The following RASA1 variants were observed in gnomAD, a reference collection of about 807,000 sequenced individuals.
RASA1 encodes the protein RAS p21 protein activator 1, also known as ras GTPase-activating protein 1.
RASA1 carries 25 observed loss-of-function variants against 132.2 expected under a neutral mutation model. That is an observed-to-expected ratio of 0.19 (90% CI 0.14 to 0.26). The LOEUF is 0.26. RASA1 is among the 10% of genes least tolerant of loss of function. RASA1 has a pLI of 1.00. For synonymous variants in RASA1, 477 were observed against 449.9 expected (o/e 1.06, Z -0.76); for missense variants, 964 against 1,299.2 (o/e 0.74, Z 3.97).
chr5:87,269,437 G>A, intron 1 of RASA1: 1 of 990,984 alleles, frequency 1.0e-6, no homozygotes, highest in East Asian at 2.6e-5. Context: ...TTTGAAAAAT[G>A]TATTGGTTAG....
In RASA1 at chr5:87,319,869, A is replaced by G. The variant is rs559190241; in HGVS notation, c.540-11479A>G. 5.3e-5 allele frequency among the ~76,000 whole-genome samples: 8 copies of G among 152,324 alleles called. No individual in the cohort carries two copies. In the East Asian group the frequency reaches 1.5e-3, roughly 29 times the overall value. The stretch of plus-strand genomic sequence containing the variant: ...AGCATGGTGAGGCTGCAAAATTTCC[A>G]AACTTTTATGTTCTGCTTCCCTTTT... On this transcript the variant is annotated intron_variant, in intron 1 of 24. Transcript: ENST00000274376.
chr5:87,353,022 A>G, intron 8 of RASA1, 135 bp from the exon 9 acceptor site: 1 of 658,962 alleles, frequency 1.5e-6, no homozygotes, highest in South Asian at 1.8e-5. Flanking sequence ...CATTTATTCT[A>G]TTAATGTATT....
At chr5:87,358,855 G>T (rs1759856089) in intron 9 of RASA1, among the ~76,000 whole-genome samples, 1 of 152,066 alleles carries the variant, frequency 6.6e-6, no homozygotes, top group Non-Finnish European at 1.5e-5. Flanking sequence ...TGCTGTAGCT[G>T]TTCACTGTGT....
rs2112513318 is a variant in RASA1 at position 87,385,338 on chromosome 5, A to G, written c.2796A>G (p.Leu932=). The part of the protein sequence containing the change: ...PSPIAARTLI[L]VAKSVQNLAN... ...CTATTGCTGCAAGAACACTGATATT[A>G]GTGGCTAAATCTGTGCAGAACTTAG... The change falls in exon 22 of 25, where the codon TTA becomes TTG. Residue 932 remains leucine (L), a synonymous_variant. Transcript: ENST00000274376. 6.2e-7 allele frequency: 1 copy of G among 1,611,638 alleles called. No homozygotes were observed. The highest frequency in any genetic ancestry group is 2.2e-5 in the East Asian group (1 of 44,822).
At chr5:87,269,192 GCTC>G in intron 1 of RASA1, 1 of 1,597,838 alleles carries the variant, frequency 6.3e-7, no homozygotes, top group Non-Finnish European at 8.5e-7. Flanking sequence ...TACATTTATT[GCTC>G]CTCTGGGAAA....
rs879849698 is a variant in RASA1 at position 87,380,494 on chromosome 5, G to A, written c.2604-15G>A. ...ACTTGCTTTCTGTGTTGAGATGATT[G>A]TGTTATTTTGGCAGGACATTGAGAT... On this transcript the variant is annotated splice_polypyrimidine_tract_variant and intron_variant, in intron 19 of 24. Coordinates refer to ENST00000274376, the MANE Select transcript of RASA1 (RefSeq NM_002890.3). 6.3e-7 allele frequency: 1 copy of A among 1,598,978 alleles called. No homozygotes were observed. Among genetic ancestry groups the A allele is most frequent in the Non-Finnish European group, 8.6e-7 (1 of 1,166,602 alleles).
chr5:87,374,101 G>T, intron 13 of RASA1, 62 bp from the exon 14 acceptor site: 1 of 1,238,674 alleles, frequency 8.1e-7, no homozygotes, highest in Non-Finnish European at 1.0e-6. Flanking sequence ...AATTGCTTTT[G>T]AAATGTAGTG....
intron 9 of RASA1, 58 bp downstream of exon 9, chr5:87,353,293 T>A: frequency 7.2e-7 from 1 of 1,380,024 alleles, no homozygotes; most frequent in Middle Eastern, 1.8e-4. Context: ...TGCATTTTGG[T>A]GGTATGTTTT....
chr5:87,302,105 A>G (rs1755392298), intron 1 of RASA1, among the ~76,000 whole-genome samples: 1 of 152,180 alleles, frequency 6.6e-6, no homozygotes, highest in African/African-American at 2.4e-5. Flanking sequence ...TAAGCTTGGT[A>G]GGTATTGCTG....
intron 8 of RASA1, among the ~76,000 whole-genome samples, chr5:87,351,736 T>TA (rs759691088): frequency 7.9e-5 from 12 of 151,850 alleles, no homozygotes; most frequent in Non-Finnish European, 1.5e-4. Flanking sequence ...GAGTAATTTT[T>TA]AAAAAAACTC....
chr5:87,317,563 C>T (rs1162402596), intron 1 of RASA1, among the ~76,000 whole-genome samples: 1 of 151,298 alleles, frequency 6.6e-6, no homozygotes, highest in Non-Finnish European at 1.5e-5. Flanking sequence ...GTGTTTCCAC[C>T]TATCTTTTGT....
At chr5:87,302,031 A>G (rs541137802) in intron 1 of RASA1, among the ~76,000 whole-genome samples, 3 of 152,270 alleles carry the variant, frequency 2.0e-5, no homozygotes, top group African/African-American at 7.2e-5. Context: ...TTTAATGAAC[A>G]TGTATAGACA....
At position 87,391,132 on chromosome 5, in the gene RASA1, T is replaced by C. The variant is rs1762484358; in HGVS notation, c.*249T>C. ...ATCTTTAACAACCTCTGAGCCTTGGTGTACAGACCACCTTTCACAAAACGA... is the reference window on the plus strand; with the variant it reads ...ATCTTTAACAACCTCTGAGCCTTGGCGTACAGACCACCTTTCACAAAACGA... On this transcript the variant is annotated 3_prime_UTR_variant, in exon 25 of 25. Coordinates refer to ENST00000274376, the MANE Select transcript of RASA1 (RefSeq NM_002890.3). The C allele has an allele frequency of 1.7e-6, 1 of 587,506 alleles. No individual in the cohort carries two copies. The highest frequency in any genetic ancestry group is 3.0e-6 in the Non-Finnish European group (1 of 328,650). 36.4% of individuals were successfully genotyped at this position (587,506 alleles called of 1,614,324 possible).
chr5:87,310,283 TTCA>T (rs1412762683), intron 1 of RASA1, among the ~76,000 whole-genome samples: 3 of 152,080 alleles, frequency 2.0e-5, no homozygotes, highest in Non-Finnish European at 2.9e-5. Flanking sequence ...AGATGTGTGA[TTCA>T]TCTAAAGAAA....
Position 87,376,524 on chromosome 5 carries a change from G to T in RASA1, c.2143G>T (p.Glu715Ter). 6.2e-7 allele frequency: 1 copy of T among 1,613,946 alleles called. No individual in the cohort carries two copies. Among genetic ancestry groups the T allele is most frequent in the Non-Finnish European group, 8.5e-7 (1 of 1,179,944 alleles). ...SLRVRARYSM[E>*]KIMPEEEYSE... ...GCGTGTTCGAGCACGATACTCTATGGAAAAAATCATGCCAGAAGAAGAGTA... is the reference window on the plus strand; with the variant it reads ...GCGTGTTCGAGCACGATACTCTATGTAAAAAATCATGCCAGAAGAAGAGTA... Residue 715 changes from glutamate (E) to a stop codon, truncating the protein, a stop_gained, in exon 16 of 25, where the codon GAA (glutamate) becomes TAA (stop). Coordinates refer to ENST00000274376, the MANE Select transcript of RASA1 (RefSeq NM_002890.3). LOFTEE classifies it high-confidence loss of function.
In RASA1 at chr5:87,378,330, A is replaced by G. The variant is rs1326522003; in HGVS notation, c.2345-66A>G. The stretch of plus-strand genomic sequence containing the variant: ...TGTTGAGGTAAAATGAATTCACTTA[A>G]TTTCCAATTTGGTCACATTAGGTCA... On this transcript the variant is annotated intron_variant, in intron 17 of 24. Transcript: ENST00000274376. The G allele has an allele frequency of 1.9e-6, 3 of 1,560,214 alleles. No homozygotes were observed. In the African/African-American group the frequency reaches 4.1e-5, roughly 21 times the overall value.
intron 1 of RASA1, among the ~76,000 whole-genome samples, chr5:87,288,880 G>A (rs189423084): frequency 6.6e-4 from 100 of 152,222 alleles, no homozygotes; most frequent in African/African-American, 2.4e-3. Context: ...CTGTTTAAAA[G>A]TAAGTTGCAG....
intron 1 of RASA1, among the ~76,000 whole-genome samples, chr5:87,326,375 T>C (rs1302881107): frequency 1.3e-5 from 2 of 152,158 alleles, no homozygotes; most frequent in Non-Finnish European, 2.9e-5. Context: ...AGTTTCATCT[T>C]AGATGTATGA....
At chr5:87,341,559 T>C (rs1404517722) in intron 6 of RASA1, among the ~76,000 whole-genome samples, 2 of 152,146 alleles carry the variant, frequency 1.3e-5, no homozygotes, top group East Asian at 3.8e-4. Flanking sequence ...CTGAAGACTT[T>C]GAATAAACAC....
Sources: gnomAD v4.1 joint callset for allele counts (sites outside exome capture counted in the v4.1 genomes callset) on GRCh38, gnomAD v4.1.1 for gene constraint, MANE v1.5 for transcripts, NCBI Gene and HGNC (gene_info 2026-07-23, HGNC 2026-07-21) for gene names.